LDAH: variants seen among roughly 807,000 people sequenced by gnomAD.
LDAH encodes the protein lipid droplet associated hydrolase, also known as lipid droplet-associated hydrolase.
A neutral mutation model predicts 29.6 loss-of-function variants in LDAH; 26 were observed. The ratio of observed to expected loss-of-function variants is 0.88; its 90% CI spans 0.64 to 1.22. The LOEUF is 1.22. LDAH is among the 50% of genes most tolerant of loss of function. LDAH has a pLI of 0.00. For missense variants in LDAH, 344 were observed against 387.3 expected (o/e 0.89, Z 0.94); for synonymous variants, 117 against 133.0 (o/e 0.88, Z 0.83).
chr2:20,752,246 A>G (rs1668021106), intron 4 of LDAH, among the ~76,000 whole-genome samples: 1 of 152,198 alleles, frequency 6.6e-6, no homozygotes. Context: ...AATATCAGTG[A>G]AAAAGACTGA....
At chr2:20,725,059 G>A (rs1665917545) in intron 5 of LDAH, among the ~76,000 whole-genome samples, 1 of 152,174 alleles carries the variant, frequency 6.6e-6, no homozygotes, top group African/African-American at 2.4e-5. Context: ...TATGGTGACT[G>A]AGATACTACT....
intron 5 of LDAH, among the ~76,000 whole-genome samples, chr2:20,721,278 T>C (rs946149312): frequency 2.6e-5 from 4 of 152,018 alleles, no homozygotes; most frequent in East Asian, 1.9e-4. Context: ...AACAACTCAA[T>C]AGCATGATGA....
intron 4 of LDAH, among the ~76,000 whole-genome samples, chr2:20,751,743 C>T (rs1667988699): frequency 6.6e-6 from 1 of 152,068 alleles, no homozygotes; most frequent in Admixed American, 6.5e-5. Context: ...AAAGACAGCA[C>T]AACAAATATA....
chr2:20,688,441 C>T (rs923897962), intron 6 of LDAH, among the ~76,000 whole-genome samples: 1 of 152,052 alleles, frequency 6.6e-6, no homozygotes, highest in Admixed American at 6.6e-5. Context: ...CGCTTTATCC[C>T]GAAGTCCACA....
At chr2:20,723,601 A>T (rs1385831111) in intron 5 of LDAH, among the ~76,000 whole-genome samples, 1 of 151,922 alleles carries the variant, frequency 6.6e-6, no homozygotes, top group African/African-American at 2.4e-5. Context: ...CTAAGCATAT[A>T]TTTTTTTTAA....
rs186942977 is a variant in LDAH, at chr2:20,773,838, T to C, written c.468+972A>G. ...CCCACGGAGTGAGAAACAGTCAAAA[T>C]CCTAGCACAAAGCAGCCATGAAGCG... On this transcript the variant is annotated intron_variant, in intron 4 of 6. Coordinates refer to ENST00000237822, the MANE Select transcript of LDAH (RefSeq NM_021925.4). Among the ~76,000 whole-genome samples, 271 of 152,204 alleles carry C rather than the reference T, an allele frequency of 1.8e-3. 2 individuals carry two copies. The highest frequency in any genetic ancestry group is 6.3e-3 in the African/African-American group (263 of 41,546).
intron 5 of LDAH, among the ~76,000 whole-genome samples, chr2:20,722,941 T>G (rs146404557): frequency 2.6e-5 from 4 of 152,194 alleles, no homozygotes; most frequent in Non-Finnish European, 5.9e-5. Flanking sequence ...CCATTTAGTA[T>G]TGTCTTCTGA....
At chr2:20,755,989 C>A (rs948749307) in intron 4 of LDAH, among the ~76,000 whole-genome samples, 1 of 152,136 alleles carries the variant, frequency 6.6e-6, no homozygotes, top group African/African-American at 2.4e-5. Flanking sequence ...CTGACCAAAC[C>A]CACTCCCATA....
At chr2:20,820,202 T>C (rs993730467) in intron 1 of LDAH, among the ~76,000 whole-genome samples, 10 of 152,024 alleles carry the variant, frequency 6.6e-5, no homozygotes, top group African/African-American at 2.2e-4. Context: ...AGGTAATTTA[T>C]AGATTCAATG....
intron 4 of LDAH, among the ~76,000 whole-genome samples, chr2:20,760,645 A>G (rs1668619879): frequency 6.6e-6 from 1 of 152,218 alleles, no homozygotes; most frequent in Admixed American, 6.5e-5. Flanking sequence ...GGCAGCTTTC[A>G]GCTTCTAGTG....
chr2:20,734,331 C>A (rs1666627934), intron 5 of LDAH, among the ~76,000 whole-genome samples: 1 of 151,958 alleles, frequency 6.6e-6, no homozygotes, highest in Admixed American at 6.6e-5. Context: ...TATTTGTTTT[C>A]TGTTTGTTCT....
downstream of LDAH, chr2:20,683,918 C>T (rs1158333420): frequency 6.6e-6 from 1 of 151,794 alleles, no homozygotes; most frequent in Non-Finnish European, 1.5e-5. Flanking sequence ...ATGTCACAAA[C>T]CTAACAAATG....
intron 1 of LDAH, among the ~76,000 whole-genome samples, chr2:20,804,595 TA>T (rs1224017460): frequency 6.6e-6 from 1 of 152,204 alleles, no homozygotes; most frequent in Non-Finnish European, 1.5e-5. Context: ...CTAAGTTGGT[TA>T]TAATTTATGC....
intron 5 of LDAH, among the ~76,000 whole-genome samples, chr2:20,712,562 C>T (rs1292190548): frequency 6.6e-6 from 1 of 152,196 alleles, no homozygotes; most frequent in Non-Finnish European, 1.5e-5. Context: ...AAGTAGGCTT[C>T]TGAAGGTCGG....
chr2:20,791,617 T>C (rs1048251013), intron 2 of LDAH, among the ~76,000 whole-genome samples: 2 of 152,318 alleles, frequency 1.3e-5, no homozygotes, highest in Non-Finnish European at 2.9e-5. Context: ...TGCAGAAATA[T>C]ATTCTTTGGT....
At chr2:20,735,309 C>T (rs111440772) in intron 5 of LDAH, among the ~76,000 whole-genome samples, 4,282 of 152,072 alleles carry the variant, frequency 0.028, 202 homozygotes, top group African/African-American at 0.098. Flanking sequence ...CCTTTTTTTC[C>T]CCTTTTTAGT....
chr2:20,712,771 T>A (rs1443675601), intron 5 of LDAH, among the ~76,000 whole-genome samples: 1 of 152,040 alleles, frequency 6.6e-6, no homozygotes, highest in Non-Finnish European at 1.5e-5. Flanking sequence ...TTTGGTCAAG[T>A]GGAAGAAAGG....
intron 1 of LDAH, among the ~76,000 whole-genome samples, chr2:20,822,226 G>T (rs1454302901): frequency 6.6e-6 from 1 of 151,870 alleles, no homozygotes; most frequent in Non-Finnish European, 1.5e-5. Context: ...CCGGGTTCAC[G>T]CCATTCTCCT....
intron 3 of LDAH, among the ~76,000 whole-genome samples, chr2:20,787,177 A>G (rs191247936): frequency 1.8e-3 from 272 of 152,320 alleles, no homozygotes; most frequent in Middle Eastern, 3.4e-3. Flanking sequence ...GTCTTCTACA[A>G]TCTTCATTGT....
Sources: allele counts gnomAD v4.1 joint callset (sites outside exome capture counted in the v4.1 genomes callset), GRCh38; gene constraint gnomAD v4.1.1; transcripts MANE v1.5; gene names NCBI Gene and HGNC (gene_info 2026-07-23, HGNC 2026-07-21).